DLEU7: variants seen among roughly 807,000 people sequenced by gnomAD.
The protein encoded by DLEU7 is deleted in lymphocytic leukemia 7.
In DLEU7, 17 loss-of-function variants were observed where a neutral mutation model predicts 16.0. The observed-to-expected ratio is 1.06, with a 90% CI of 0.73 to 1.59. DLEU7 has a LOEUF of 1.59. DLEU7 is among the 40% of genes most tolerant of loss of function. The pLI, the probability that DLEU7 is intolerant of heterozygous loss-of-function variation, is 0.00. For missense variants in DLEU7, 308 were observed against 314.9 expected, an observed-to-expected ratio of 0.98 and a Z score of 0.17; for synonymous variants, 113 against 139.8, an observed-to-expected ratio of 0.81 and a Z score of 1.35.
chr13:50,775,027 A>G (rs923673637), intron 1 of DLEU7, among the ~76,000 whole-genome samples: 7 of 151,966 alleles, frequency 4.6e-5, no homozygotes, highest in Non-Finnish European at 8.8e-5. Flanking sequence ...TAACATATTT[A>G]TCGTAACTAT....
chr13:50,796,985 A>G lies in DLEU7; in HGVS notation c.459+46203T>C, dbSNP rs1481742186. Among the ~76,000 whole-genome samples the G allele has an allele frequency of 3.9e-5, 6 of 152,148 alleles. No individual in the cohort carries two copies. In the South Asian group the frequency reaches 8.3e-4, roughly 21 times the overall value. On this transcript the variant is annotated intron_variant, in intron 1 of 1. Coordinates refer to the DLEU7 transcript ENST00000400393. ...GCAGTTAACACACTCTAACTAATAC[A>G]TTGAATAAAATGTGCTATAGACAAG...
intron 1 of DLEU7, among the ~76,000 whole-genome samples, chr13:50,750,914 A>G (rs540776): frequency 0.48 from 72,883 of 152,000 alleles, 18,668 homozygotes; most frequent in African/African-American, 0.65. Context: ...TTACTGATTT[A>G]GATGCCCTTT....
intron 1 of DLEU7, among the ~76,000 whole-genome samples, chr13:50,837,573 G>C (rs1877512291): frequency 6.6e-6 from 1 of 152,128 alleles, no homozygotes; most frequent in Non-Finnish European, 1.5e-5. Context: ...GCATGATTTT[G>C]TCACAGATAA....
intron 1 of DLEU7, among the ~76,000 whole-genome samples, chr13:50,781,466 A>T (rs1181144899): frequency 1.3e-5 from 2 of 152,226 alleles, no homozygotes; most frequent in African/African-American, 4.8e-5. Context: ...ACCTCCAGGA[A>T]GATCTTGAGC....
intron 1 of DLEU7, among the ~76,000 whole-genome samples, chr13:50,829,064 AT>A (rs77741224): frequency 0.083 from 12,676 of 151,976 alleles, 718 homozygotes; most frequent in African/African-American, 0.15. Context: ...ACACTGTAAG[AT>A]TTTTTTTGTG....
intron 1 of DLEU7, among the ~76,000 whole-genome samples, chr13:50,753,495 C>T (rs1052888869): frequency 1.4e-4 from 21 of 152,246 alleles, no homozygotes; most frequent in Admixed American, 2.6e-4. Flanking sequence ...GAGCACAGCA[C>T]TGGTGGGCCG....
chr13:50,838,974 A>G (rs952561670), intron 1 of DLEU7, among the ~76,000 whole-genome samples: 1 of 152,106 alleles, frequency 6.6e-6, no homozygotes, highest in African/African-American at 2.4e-5. Context: ...TGGACTTCCA[A>G]CCTCCAGAAC....
Position 50,714,741 on chromosome 13 carries a change from G to A in DLEU7, c.460-1501C>T, listed in dbSNP as rs1422904568. Among the ~76,000 whole-genome samples the A allele has an allele frequency of 7.9e-5, 12 of 152,172 alleles. No individual in the cohort carries two copies. The East Asian group carries it at 2.3e-3, about 29-fold the overall frequency. Reference sequence around the variant, plus strand: ...TTTTCCCCTCATCTTACGCAAATAAGAGGGGGCCTTCAGAGAATTACTTGG... The same window carrying A: ...TTTTCCCCTCATCTTACGCAAATAAAAGGGGGCCTTCAGAGAATTACTTGG... On this transcript the variant is annotated intron_variant, in intron 1 of 1. Transcript: ENST00000400393.
intron 1 of DLEU7, among the ~76,000 whole-genome samples, chr13:50,757,270 T>G (rs573919570): frequency 9.2e-5 from 14 of 152,330 alleles, no homozygotes; most frequent in East Asian, 1.9e-4. Context: ...TGTTGTTGTT[T>G]TTTTAAAGAA....
rs1323885 is a variant in DLEU7, at chr13:50,831,413, C to T, written c.460-7893G>A. Among the ~76,000 whole-genome samples the T allele has an allele frequency of 2.0e-5, 3 of 152,004 alleles. No individual in the cohort carries two copies. In the South Asian group the frequency reaches 6.2e-4, roughly 32 times the overall value. On this transcript the variant is annotated intron_variant, in intron 1 of 1. Transcript: ENST00000504404. ...AAGATAGATAGGTGGTATGGAGGAACGCATTATTTGGCTTATAGGCCCCTG... is the reference window on the plus strand; with the variant it reads ...AAGATAGATAGGTGGTATGGAGGAATGCATTATTTGGCTTATAGGCCCCTG...
At chr13:50,743,700 G>T (rs1874315689) in intron 1 of DLEU7, among the ~76,000 whole-genome samples, 1 of 152,186 alleles carries the variant, frequency 6.6e-6, no homozygotes, top group Non-Finnish European at 1.5e-5. Context: ...CTAAGAGAGT[G>T]AAGAACAAAG....
chr13:50,838,269 G>A (rs1877536306), intron 1 of DLEU7, among the ~76,000 whole-genome samples: 1 of 152,184 alleles, frequency 6.6e-6, no homozygotes, highest in East Asian at 1.9e-4. Flanking sequence ...TCATTGAAAC[G>A]GGTGAGCTCA....
intron 1 of DLEU7, among the ~76,000 whole-genome samples, chr13:50,749,242 G>A (rs1874490599): frequency 1.3e-5 from 2 of 151,796 alleles, no homozygotes; most frequent in Admixed American, 1.3e-4. Flanking sequence ...TGGCCAAGTA[G>A]TAGTCCATCA....
At position 50,776,423 on chromosome 13, in the gene DLEU7, C is replaced by T. The variant is rs567848992; in HGVS notation, c.460-63183G>A. Among the ~76,000 whole-genome samples the T allele has an allele frequency of 6.6e-5, 10 of 152,310 alleles. No individual in the cohort carries two copies. The South Asian group carries it at 2.1e-3, about 32-fold the overall frequency. On this transcript the variant is annotated intron_variant, in intron 1 of 1. Transcript: ENST00000400393. ...TCCTGCACCTTTGTGAGCTCTTTTCCAACCACAGTCAGGGCTAAAATAGCT... is the reference window on the plus strand; with the variant it reads ...TCCTGCACCTTTGTGAGCTCTTTTCTAACCACAGTCAGGGCTAAAATAGCT...
chr13:50,785,814 A>G (rs1237395344), intron 1 of DLEU7, among the ~76,000 whole-genome samples: 1 of 152,204 alleles, frequency 6.6e-6, no homozygotes, highest in African/African-American at 2.4e-5. Context: ...CACTTGCCAA[A>G]TGTTCTCAGG....
At chr13:50,753,950 A>C (rs897947200) in intron 1 of DLEU7, among the ~76,000 whole-genome samples, 12 of 152,354 alleles carry the variant, frequency 7.9e-5, no homozygotes, top group African/African-American at 2.6e-4. Context: ...ATTCAGGAGC[A>C]GGTTATTTAA....
chr13:50,755,958 C>A, intron 1 of DLEU7, among the ~76,000 whole-genome samples: 1 of 152,088 alleles, frequency 6.6e-6, no homozygotes, highest in Non-Finnish European at 1.5e-5. Flanking sequence ...TTTTTGTGAG[C>A]CAAGCTGCAA....
At chr13:50,842,071 C>T (rs1287514739) in intron 1 of DLEU7, among the ~76,000 whole-genome samples, 2 of 152,006 alleles carry the variant, frequency 1.3e-5, no homozygotes, top group African/African-American at 2.4e-5. Context: ...ATACACAGGA[C>T]AACCCCCGAC....
intron 1 of DLEU7, among the ~76,000 whole-genome samples, chr13:50,789,919 C>CTCTTTCTTTCTTTCTTTCTT (rs67993003): frequency 1.4e-5 from 2 of 144,302 alleles, no homozygotes; most frequent in African/African-American, 5.2e-5. Flanking sequence ...CACCTTTTTT[C>CTCTTTCTTTCTTTCTTTCTT]TCTTTCTTTC....
Sources: gnomAD v4.1 joint callset for allele counts (sites outside exome capture counted in the v4.1 genomes callset) on GRCh38, gnomAD v4.1.1 for gene constraint, MANE v1.5 for transcripts, NCBI Gene and HGNC (gene_info 2026-07-23, HGNC 2026-07-21) for gene names.